Variants in CDH4 observed in about 807,000 individuals in gnomAD.
CDH4 encodes cadherin 4.
CDH4 carries 33 observed loss-of-function variants against 86.0 expected under a neutral mutation model. The ratio of observed to expected loss-of-function variants is 0.38; its 90% confidence interval spans 0.29 to 0.51. The LOEUF (loss-of-function observed/expected upper bound fraction) is 0.51. Ranked by LOEUF, CDH4 falls within the 20% of genes least tolerant of loss-of-function variation. The probability of loss-of-function intolerance (pLI) is 0.86; values close to 1 mark genes in which losing one functional copy is unlikely to be tolerated. For missense variants in CDH4, 1,114 were observed against 1,307.4 expected, an observed-to-expected ratio of 0.85 and a Z score of 2.28; for synonymous variants, 555 against 549.4, an observed-to-expected ratio of 1.01 and a Z score of -0.14.
chr20:61,718,883 G>C (rs925835812), intron 2 of CDH4: 1 of 470,946 alleles, frequency 2.1e-6, no homozygotes, highest in African/African-American at 2.0e-5. Flanking sequence ...GCTGGGGATG[G>C]AACTCTCTGT....
chr20:61,940,363 A>G lies in CDH4; in HGVS notation c.*3420A>G, dbSNP rs755508318. The G allele has an allele frequency of 6.6e-6, 1 of 152,128 alleles. No homozygotes were observed. The highest frequency in any genetic ancestry group is 1.5e-5 in the Non-Finnish European group (1 of 68,016). 9.4% of individuals were successfully genotyped at this position (152,128 alleles called of 1,614,324 possible). A position where few individuals can be genotyped will look rare whatever the true frequency, so the allele number is the denominator to read the frequency against. On this transcript the variant is annotated 3_prime_UTR_variant, in exon 16 of 16. Coordinates refer to ENST00000614565, the MANE Select transcript of CDH4 (RefSeq NM_001794.5). ...GGAGTATGATGTACTCACACCTGCA[A>G]ATCTGAGCATCGCGAGGTTAAACGT...
At chr20:61,686,873 G>A (rs970806224) in intron 2 of CDH4, among the ~76,000 whole-genome samples, 5 of 152,322 alleles carry the variant, frequency 3.3e-5, no homozygotes, top group East Asian at 1.9e-4. Flanking sequence ...TGTACAGGAC[G>A]GAGAGTGATT....
chr20:61,455,154 C>A (rs927886625), intron 2 of CDH4, among the ~76,000 whole-genome samples: 1 of 152,188 alleles, frequency 6.6e-6, no homozygotes, highest in Non-Finnish European at 1.5e-5. Context: ...CAGAGTGTTA[C>A]ATCTCCACAA....
intron 2 of CDH4, among the ~76,000 whole-genome samples, chr20:61,333,186 A>G (rs747455723): frequency 6.6e-6 from 1 of 152,154 alleles, no homozygotes; most frequent in Non-Finnish European, 1.5e-5. Flanking sequence ...AGGTGTGACA[A>G]CTGCTTGTAA....
intron 2 of CDH4, among the ~76,000 whole-genome samples, chr20:61,687,367 C>T (rs891873206): frequency 2.0e-5 from 3 of 152,156 alleles, no homozygotes; most frequent in African/African-American, 4.8e-5. Context: ...CGTCTGTACT[C>T]GGAGGCAGCG....
intron 2 of CDH4, among the ~76,000 whole-genome samples, chr20:61,627,604 T>C (rs887754766): frequency 1.3e-5 from 2 of 152,096 alleles, no homozygotes; most frequent in African/African-American, 4.8e-5. Flanking sequence ...TTTTTATAAA[T>C]GGGGAAGCGG....
At chr20:61,915,513 T>C (rs1423587871) in intron 9 of CDH4, among the ~76,000 whole-genome samples, 1 of 152,198 alleles carries the variant, frequency 6.6e-6, no homozygotes, top group East Asian at 1.9e-4. Context: ...GACCCCATGA[T>C]GCCTCTCCCC....
At chr20:61,326,679 GCTGA>G (rs1280964064) in intron 2 of CDH4, among the ~76,000 whole-genome samples, 5 of 152,202 alleles carry the variant, frequency 3.3e-5, no homozygotes, top group African/African-American at 1.2e-4. Context: ...TTGCAAATGT[GCTGA>G]CTGAGTGTCG....
intron 2 of CDH4, among the ~76,000 whole-genome samples, chr20:61,267,778 G>A (rs2084164579): frequency 6.6e-6 from 1 of 152,206 alleles, no homozygotes; most frequent in Non-Finnish European, 1.5e-5. Context: ...GGGATGCAGA[G>A]AGGAGCTGGG....
chr20:61,495,412 C>G (rs1410967451), intron 2 of CDH4, among the ~76,000 whole-genome samples: 2 of 152,276 alleles, frequency 1.3e-5, no homozygotes, highest in African/African-American at 4.8e-5. Context: ...GCCAGCCCCC[C>G]GCTTATCCTG....
chr20:61,474,485 T>C (rs1316795791), intron 2 of CDH4, among the ~76,000 whole-genome samples: 3 of 151,906 alleles, frequency 2.0e-5, no homozygotes, highest in African/African-American at 7.3e-5. Context: ...GAATAGTACA[T>C]TATTATTGCT....
intron 11 of CDH4, among the ~76,000 whole-genome samples, chr20:61,925,384 C>T (rs1051636036): frequency 9.2e-5 from 14 of 152,204 alleles, no homozygotes; most frequent in African/African-American, 2.7e-4. Context: ...TGGGAAAAGA[C>T]GTGACCGCTC....
chr20:61,755,871 C>G (rs2088559188), intron 3 of CDH4, among the ~76,000 whole-genome samples: 1 of 152,204 alleles, frequency 6.6e-6, no homozygotes, highest in African/African-American at 2.4e-5. Context: ...GTGTTGCACA[C>G]TCACACTGAT....
In CDH4 at chr20:61,807,797, T is replaced by C. The variant is rs947070413; in HGVS notation, c.576+34615T>C. ...TTCTGAAATATAGGAAGGGAAGTGATAGGACGTCTCTGCACACAGCACATA... is the reference window on the plus strand; with the variant it reads ...TTCTGAAATATAGGAAGGGAAGTGACAGGACGTCTCTGCACACAGCACATA... On this transcript the variant is annotated intron_variant, in intron 4 of 15. Coordinates refer to ENST00000614565, the MANE Select transcript of CDH4 (RefSeq NM_001794.5). The surrounding 1 kb of genome is among the most constrained non-coding windows in gnomAD (Gnocchi z 4.5). Among the ~76,000 whole-genome samples the C allele has an allele frequency of 6.6e-6, 1 of 152,030 alleles. No individual in the cohort carries two copies. Among genetic ancestry groups the C allele is most frequent in the African/African-American group, 2.4e-5 (1 of 41,430 alleles).
intron 2 of CDH4, chr20:61,570,179 A>G (rs1372665339): frequency 1.3e-5 from 2 of 159,174 alleles, no homozygotes; most frequent in African/African-American, 4.8e-5. Context: ...GGTTCTGGAG[A>G]AGGCATTGAG....
chr20:61,855,707 T>C (rs1982968390), intron 6 of CDH4, among the ~76,000 whole-genome samples: 1 of 152,262 alleles, frequency 6.6e-6, no homozygotes, highest in African/African-American at 2.4e-5. Context: ...TGCGGAGACG[T>C]GGCCCCGTAA....
At chr20:61,705,584 T>C (rs2087820633) in intron 2 of CDH4, among the ~76,000 whole-genome samples, 1 of 151,992 alleles carries the variant, frequency 6.6e-6, no homozygotes, top group Admixed American at 6.6e-5. Context: ...CCAAGGACGC[T>C]CTGTCAGGAG....
intron 7 of CDH4, among the ~76,000 whole-genome samples, chr20:61,890,074 G>GTGGA (rs143568927): frequency 0.038 from 5,648 of 147,906 alleles, 350 homozygotes; most frequent in African/African-American, 0.13. Context: ...GGATGCATGG[G>GTGGA]TGGATGGATG....
At chr20:61,576,163 G>C (rs76803572) in intron 2 of CDH4, among the ~76,000 whole-genome samples, 2 of 152,204 alleles carry the variant, frequency 1.3e-5, no homozygotes, top group Non-Finnish European at 2.9e-5. Flanking sequence ...TCCTGGTAGC[G>C]TGGCTTCTCA....
Sources: allele counts gnomAD v4.1 joint callset (sites outside exome capture counted in the v4.1 genomes callset), GRCh38; gene constraint gnomAD v4.1.1; non-coding constraint Gnocchi (gnomAD v3.1); transcripts MANE v1.5; gene names NCBI Gene and HGNC (gene_info 2026-07-23, HGNC 2026-07-21).